The following SHTN1 variants were observed in gnomAD, a reference collection of about 807,000 sequenced individuals.
SHTN1 encodes the protein shootin 1.
A neutral mutation model predicts 83.1 loss-of-function variants in SHTN1; 42 were observed. The observed-to-expected ratio is 0.51, with a 90% confidence interval of 0.39 to 0.65. The LOEUF is 0.65. Among genes scored for constraint, SHTN1 ranks in the 30% least tolerant of loss-of-function variants. The probability of loss-of-function intolerance (pLI) is 0.00; values close to 1 mark genes in which losing one functional copy is unlikely to be tolerated. For synonymous variants in SHTN1, 224 were observed against 247.7 expected, an observed-to-expected ratio of 0.90 and a Z score of 0.90; for missense variants, 622 against 737.8, an observed-to-expected ratio of 0.84 and a Z score of 1.82.
intron 2 of SHTN1, 53 bp from the exon 3 acceptor site, chr10:116,968,765 T>G: frequency 6.9e-7 from 1 of 1,443,368 alleles, no homozygotes; most frequent in Admixed American, 1.8e-5. Flanking sequence ...ATTTTAAGTT[T>G]GAAAAGGCAA....
intron 2 of SHTN1, among the ~76,000 whole-genome samples, chr10:117,045,937 G>C (rs933835976): frequency 2.6e-5 from 4 of 151,858 alleles, no homozygotes; most frequent in African/African-American, 9.7e-5. Context: ...ACTCTAAGAA[G>C]GTATCAAAAA....
At chr10:116,968,230 A>T (rs1416957752) in intron 3 of SHTN1, among the ~76,000 whole-genome samples, 1 of 152,186 alleles carries the variant, frequency 6.6e-6, no homozygotes, top group Admixed American at 6.5e-5. Context: ...ATCTGTACTG[A>T]CATGCAAATA....
intron 9 of SHTN1, among the ~76,000 whole-genome samples, chr10:116,933,626 A>T (rs1429800684): frequency 6.6e-6 from 1 of 152,176 alleles, no homozygotes; most frequent in Non-Finnish European, 1.5e-5. Flanking sequence ...TGCAATAAAC[A>T]TATGTGTGTG....
chr10:117,066,477 A>C, intron 1 of SHTN1, among the ~76,000 whole-genome samples: 1 of 152,194 alleles, frequency 6.6e-6, no homozygotes, highest in Admixed American at 6.5e-5. Flanking sequence ...CTGTGAGATC[A>C]GAAAATACCT....
At chr10:116,907,702 C>T (rs1029073740) in intron 14 of SHTN1, among the ~76,000 whole-genome samples, 1 of 152,192 alleles carries the variant, frequency 6.6e-6, no homozygotes, top group Non-Finnish European at 1.5e-5. Context: ...GTGCCACATA[C>T]TTGGGAGGCA....
chr10:117,102,989 T>C (rs1186448254), intron 1 of SHTN1, among the ~76,000 whole-genome samples: 1 of 152,246 alleles, frequency 6.6e-6, no homozygotes, highest in Non-Finnish European at 1.5e-5. Flanking sequence ...TTTACTGTCA[T>C]CTGCCTCCTC....
At chr10:116,947,781 C>T (rs902292721) in intron 7 of SHTN1, among the ~76,000 whole-genome samples, 1 of 152,164 alleles carries the variant, frequency 6.6e-6, no homozygotes, top group South Asian at 2.1e-4. Flanking sequence ...AGGGGACTCT[C>T]TGAAGGCAAG....
chr10:117,101,092 T>C (rs1278013683), intron 1 of SHTN1, among the ~76,000 whole-genome samples: 1 of 135,202 alleles, frequency 7.4e-6, no homozygotes, highest in Non-Finnish European at 1.6e-5. Context: ...ACTTTGACTG[T>C]TGTGTAGTAA....
chr10:116,902,484 G>A (rs1847783490), intron 15 of SHTN1, among the ~76,000 whole-genome samples: 1 of 152,128 alleles, frequency 6.6e-6, no homozygotes, highest in South Asian at 2.1e-4. Flanking sequence ...TTAAAACACA[G>A]ACACAAAATC....
chr10:117,058,425 T>C (rs2133593648), intron 1 of SHTN1, among the ~76,000 whole-genome samples: 1 of 152,244 alleles, frequency 6.6e-6, no homozygotes, highest in South Asian at 2.1e-4. Flanking sequence ...CATGAAAAGA[T>C]AGGCAATATC....
At chr10:116,938,067 C>T (rs1004125801) in intron 9 of SHTN1, among the ~76,000 whole-genome samples, 5 of 152,076 alleles carry the variant, frequency 3.3e-5, no homozygotes, top group Middle Eastern at 3.4e-3. Context: ...ATTCCTCTAA[C>T]CTTTTATCAA....
intron 1 of SHTN1, among the ~76,000 whole-genome samples, chr10:117,119,843 T>TA (rs34968901): frequency 0.66 from 98,394 of 147,982 alleles, 35,140 homozygotes; most frequent in Middle Eastern, 0.83. Flanking sequence ...TAATCAGTTG[T>TA]AAAAAAAAAA....
At chr10:116,941,274 TTAAAC>T (rs1849364407) in intron 8 of SHTN1, among the ~76,000 whole-genome samples, 1 of 152,216 alleles carries the variant, frequency 6.6e-6, no homozygotes, top group African/African-American at 2.4e-5. Flanking sequence ...ATGTTTTGTT[TTAAAC>T]TAATTAGTTT....
Position 116,882,501 on chromosome 10 carries a change from T to G in SHTN1, c.*3843A>C, listed in dbSNP as rs1403532072. ...AGAGGAGTAGCAGAAATAAATATAT[T>G]CAGACACAAACATATAGATATAATA... On this transcript the variant is annotated 3_prime_UTR_variant, in exon 17 of 17. Coordinates refer to ENST00000355371, the MANE Select transcript of SHTN1 (RefSeq NM_001127211.3). 6.6e-6 allele frequency: 1 copy of G among 152,068 alleles called. No homozygotes were observed. Among genetic ancestry groups the G allele is most frequent in the Non-Finnish European group, 1.5e-5 (1 of 68,026 alleles). The allele number at this position is 152,068 out of a possible 1,614,324, so 9.4% of individuals were successfully genotyped here.
At chr10:117,009,185 A>G (rs1314612395), upstream of SHTN1, among the ~76,000 whole-genome samples, 1 of 152,190 alleles carries the variant, frequency 6.6e-6, no homozygotes, top group East Asian at 1.9e-4. Flanking sequence ...AGTCAAAATG[A>G]TTACCAAAAA....
chr10:117,005,301 G>GGGCCC (rs1463795229), upstream of SHTN1: 6 of 1,418,578 alleles, frequency 4.2e-6, no homozygotes, highest in Non-Finnish European at 5.5e-6. Flanking sequence ...GGGGCGGGGC[G>GGGCCC]GGCCCAGCAG....
chr10:116,965,279 G>C (rs536232802), intron 3 of SHTN1, among the ~76,000 whole-genome samples: 8 of 152,304 alleles, frequency 5.3e-5, no homozygotes, highest in Non-Finnish European at 8.8e-5. Flanking sequence ...CACTTTGAGA[G>C]GCTGAGGCAA....
intron 9 of SHTN1, among the ~76,000 whole-genome samples, chr10:116,939,523 G>A (rs1849288440): frequency 6.6e-6 from 1 of 152,206 alleles, no homozygotes; most frequent in Admixed American, 6.5e-5. Context: ...CCAGTGAGAT[G>A]AGCCGGGTAC....
chr10:117,109,349 G>A, intron 1 of SHTN1, among the ~76,000 whole-genome samples: 1 of 151,900 alleles, frequency 6.6e-6, no homozygotes, highest in Middle Eastern at 3.2e-3. Flanking sequence ...ACACTGTTTT[G>A]AGCACAGTAG....
Sources: gnomAD v4.1 joint callset for allele counts (sites outside exome capture counted in the v4.1 genomes callset) on GRCh38, gnomAD v4.1.1 for gene constraint, MANE v1.5 for transcripts, NCBI Gene and HGNC (gene_info 2026-07-23, HGNC 2026-07-21) for gene names.